LOC400499: variants seen among roughly 807,000 people sequenced by gnomAD.
the LOC400499 span, chr16:11,384,751 A>C: frequency 7.6e-5 from 55 of 720,688 alleles, no homozygotes; most frequent in Non-Finnish European, 1.0e-4. Context: ...TTGAGGGCAC[A>C]CGCGCTGCCA....
chr16:11,388,498 A>G, the LOC400499 span, among the ~76,000 whole-genome samples: 1 of 152,150 alleles, frequency 6.6e-6, no homozygotes, highest in Admixed American at 6.5e-5. Context: ...AGCATGGAAG[A>G]AGGAGCTGCC....
the LOC400499 span, among the ~76,000 whole-genome samples, chr16:11,440,108 T>C: frequency 6.6e-6 from 1 of 151,884 alleles, no homozygotes; most frequent in Admixed American, 6.6e-5. Context: ...TCCTCAGAGA[T>C]GGGAACAGAG....
the LOC400499 span, chr16:11,372,398 A>G: frequency 6.6e-6 from 1 of 152,206 alleles, no homozygotes. Context: ...AAGTGAATAA[A>G]TCTCTTGGGC....
the LOC400499 span, among the ~76,000 whole-genome samples, chr16:11,493,298 G>A: frequency 2.0e-5 from 3 of 152,234 alleles, no homozygotes; most frequent in Non-Finnish European, 2.9e-5. Flanking sequence ...AGCAGCCATA[G>A]ATAACACCTA....
At chr16:11,511,383 G>A in the LOC400499 span, among the ~76,000 whole-genome samples, 88,706 of 152,010 alleles carry the variant, frequency 0.58, 26,306 homozygotes, top group Admixed American at 0.66. Context: ...GAGGCACAGA[G>A]AGAAGCTATT....
the LOC400499 span, among the ~76,000 whole-genome samples, chr16:11,389,382 A>G: frequency 2.0e-5 from 3 of 152,134 alleles, 1 homozygote; most frequent in East Asian, 5.8e-4. Context: ...TGTGTGTTAA[A>G]AAGATTATTA....
the LOC400499 span, chr16:11,450,964 G>C: frequency 1.2e-5 from 9 of 720,526 alleles, no homozygotes; most frequent in Middle Eastern, 3.3e-4. Flanking sequence ...GAACTTTCTA[G>C]GACGTTGGTA....
the LOC400499 span, chr16:11,390,465 T>G: frequency 4.8e-5 from 60 of 1,240,250 alleles, no homozygotes; most frequent in Non-Finnish European, 5.7e-5. Context: ...CCAGGGGCCC[T>G]GCAACAGGCA....
chr16:11,496,930 G>C, the LOC400499 span, among the ~76,000 whole-genome samples: 5 of 123,242 alleles, frequency 4.1e-5, no homozygotes, highest in Non-Finnish European at 8.7e-5. Context: ...GTGTGTGTGT[G>C]TGTCTTGACA....
At chr16:11,511,818 G>A in the LOC400499 span, among the ~76,000 whole-genome samples, 1 of 152,146 alleles carries the variant, frequency 6.6e-6, no homozygotes, top group Admixed American at 6.6e-5. Context: ...CTTGAAACCA[G>A]GAGTTTGAGA....
At chr16:11,444,770 G>A in the LOC400499 span, among the ~76,000 whole-genome samples, 2 of 152,086 alleles carry the variant, frequency 1.3e-5, no homozygotes, top group Non-Finnish European at 2.9e-5. Context: ...AGGAGCCAGG[G>A]ATTGATGGAT....
At chr16:11,392,460 C>G in the LOC400499 span, 1 of 398,942 alleles carries the variant, frequency 2.5e-6, no homozygotes, top group South Asian at 1.3e-4. Flanking sequence ...GCTGTCCGCC[C>G]ATGGGCACAT....
At chr16:11,473,688 G>A in the LOC400499 span, among the ~76,000 whole-genome samples, 152 of 152,004 alleles carry the variant, frequency 1.0e-3, no homozygotes, top group African/African-American at 3.5e-3. Context: ...CCAGGAGACA[G>A]AGGTTGCAGT....
At chr16:11,501,114 G>C in the LOC400499 span, 1 of 395,228 alleles carries the variant, frequency 2.5e-6, no homozygotes. Context: ...CCGGGTCTGG[G>C]ACCCCGCAGT....
the LOC400499 span, among the ~76,000 whole-genome samples, chr16:11,489,226 A>C: frequency 6.6e-6 from 1 of 152,190 alleles, no homozygotes; most frequent in Non-Finnish European, 1.5e-5. Context: ...TTTCCTCATC[A>C]GTGAAAATGA....
At chr16:11,483,105 C>T in the LOC400499 span, among the ~76,000 whole-genome samples, 13 of 152,150 alleles carry the variant, frequency 8.5e-5, no homozygotes, top group East Asian at 2.5e-3. Flanking sequence ...ATTAAAGCCA[C>T]GAGATACCAC....
At chr16:11,438,493 G>T in the LOC400499 span, among the ~76,000 whole-genome samples, 1 of 151,926 alleles carries the variant, frequency 6.6e-6, no homozygotes, top group African/African-American at 2.4e-5. Context: ...TATCAGGGCT[G>T]GGCGCATTGG....
chr16:11,395,014 C>A, the LOC400499 span, among the ~76,000 whole-genome samples: 1 of 152,172 alleles, frequency 6.6e-6, no homozygotes, highest in South Asian at 2.1e-4. Flanking sequence ...CTGAGGAGAT[C>A]CAAGTTGGTA....
the LOC400499 span, among the ~76,000 whole-genome samples, chr16:11,414,903 T>G: frequency 6.6e-6 from 1 of 152,182 alleles, no homozygotes; most frequent in Non-Finnish European, 1.5e-5. Flanking sequence ...CACTTACTTA[T>G]TAGGTTCCTG....
Sources: allele counts gnomAD v4.1 joint callset (sites outside exome capture counted in the v4.1 genomes callset), GRCh38; gene constraint gnomAD v4.1.1; transcripts MANE v1.5.